ARID1B: variants seen among roughly 807,000 people sequenced by gnomAD.
ARID1B encodes AT-rich interactive domain-containing protein 1B.
ARID1B carries 30 observed loss-of-function variants against 212.3 expected under a neutral mutation model. That is an observed-to-expected ratio of 0.14 (90% CI 0.11 to 0.19). The LOEUF is 0.19. ARID1B is among the 10% of genes least tolerant of loss of function. The pLI is 1.00. For missense variants in ARID1B, 2,891 were observed against 3,204.0 expected (o/e 0.90, Z 2.36); for synonymous variants, 1,402 against 1,301.7 (o/e 1.08, Z -1.66).
intron 4 of ARID1B, among the ~76,000 whole-genome samples, chr6:157,039,719 CTTT>C (rs1183597937): frequency 7.5e-4 from 63 of 83,492 alleles, no homozygotes; most frequent in Non-Finnish European, 1.2e-3. Context: ...TCTTTCCTTC[CTTT>C]CTTTCTTTCC....
intron 2 of ARID1B, among the ~76,000 whole-genome samples, chr6:156,849,701 T>C (rs1273936044): frequency 6.6e-6 from 1 of 152,078 alleles, no homozygotes; most frequent in African/African-American, 2.4e-5. Flanking sequence ...AGACAAATAT[T>C]TGGGTGCTTT....
At chr6:157,011,555 G>A (rs1447687022) in intron 4 of ARID1B, among the ~76,000 whole-genome samples, 1 of 152,154 alleles carries the variant, frequency 6.6e-6, no homozygotes, top group Non-Finnish European at 1.5e-5. Context: ...AAAGTCTTGA[G>A]GAAAGAATTC....
At chr6:156,813,039 T>TACAC (rs1562404422) in intron 1 of ARID1B, among the ~76,000 whole-genome samples, 10 of 148,678 alleles carry the variant, frequency 6.7e-5, no homozygotes, top group African/African-American at 9.8e-5. Flanking sequence ...TACATATATA[T>TACAC]ATACACATAC....
intron 1 of ARID1B, among the ~76,000 whole-genome samples, chr6:156,802,409 C>T (rs958564206): frequency 3.3e-5 from 5 of 151,996 alleles, no homozygotes; most frequent in Admixed American, 3.3e-4. Context: ...AATATTTTAC[C>T]CTTCTTTTTA....
At chr6:157,199,304 A>T (rs1373906262) in intron 17 of ARID1B, among the ~76,000 whole-genome samples, 1 of 152,166 alleles carries the variant, frequency 6.6e-6, no homozygotes, top group African/African-American at 2.4e-5. Flanking sequence ...AAAATATTGT[A>T]TACTAATAGT....
rs116434232 is a variant in ARID1B, at chr6:156,788,437, T to G, written c.1791+8966T>G. Reference sequence around the variant, plus strand: ...CCCATTCAATATCCCATCCCTAATATTAATTAGTGGTCTCTTCTCTGGCCA... The same window carrying G: ...CCCATTCAATATCCCATCCCTAATAGTAATTAGTGGTCTCTTCTCTGGCCA... On this transcript the variant is annotated intron_variant, in intron 1 of 19. Transcript: ENST00000636930. Among the ~76,000 whole-genome samples, 374 of 152,296 alleles carry G rather than the reference T, an allele frequency of 2.5e-3. 2 individuals are homozygous for G. The highest frequency in any genetic ancestry group is 8.1e-3 in the African/African-American group (338 of 41,568).
At chr6:156,912,457 G>A (rs1789973680) in intron 3 of ARID1B, among the ~76,000 whole-genome samples, 2 of 152,030 alleles carry the variant, frequency 1.3e-5, no homozygotes, top group Admixed American at 1.3e-4. Context: ...CCAGGTGAGT[G>A]GGATGGGGAA....
At chr6:157,129,328 G>A (rs1222631575) in intron 6 of ARID1B, among the ~76,000 whole-genome samples, 3 of 152,124 alleles carry the variant, frequency 2.0e-5, no homozygotes, top group East Asian at 1.9e-4. Context: ...AGCTCATGAC[G>A]CAAACAAGAC....
chr6:156,990,172 ACT>A (rs1491393745), intron 4 of ARID1B, among the ~76,000 whole-genome samples: 6 of 123,308 alleles, frequency 4.9e-5, no homozygotes, highest in African/African-American at 6.7e-5. Flanking sequence ...GATTTCCTTA[ACT>A]TTTTTTTTTT....
rs1778735188 is a variant in ARID1B, at chr6:156,777,853, T to A, written c.173T>A (p.Leu58Gln). 4 of 1,321,554 alleles carry A rather than the reference T, an allele frequency of 3.0e-6. No homozygotes were observed. Among genetic ancestry groups the A allele is most frequent in the Non-Finnish European group, 3.8e-6 (4 of 1,041,134 alleles). 81.9% of individuals were successfully genotyped at this position (1,321,554 alleles called of 1,614,324 possible). ...GCGGCGGCGGCACCGGGACCCATGC[T>A]GGGGGGCGGCGGCGACGGCGGCGGC... ...AAAAAAPGPMLGGGGDGGGGL... is the reference protein window; with the variant it reads ...AAAAAAPGPMQGGGGDGGGGL... Residue 58 changes from leucine (L) to glutamine (Q), a missense_variant, in exon 1 of 20, where the codon CTG becomes CAG. Around this residue, in one of 7 missense-constraint regions of ARID1B, gnomAD observed 1,643 missense variants for 1,544.0 expected, o/e 1.06. Transcript: ENST00000636930.
intron 9 of ARID1B, chr6:157,172,988 C>T (rs1055705925): frequency 6.6e-6 from 1 of 152,176 alleles, no homozygotes; most frequent in African/African-American, 2.4e-5. Context: ...CCGTCTCTCT[C>T]CTTCCCTCTC....
chr6:157,126,094 T>G (rs1788119148), intron 6 of ARID1B, among the ~76,000 whole-genome samples: 2 of 152,132 alleles, frequency 1.3e-5, no homozygotes, highest in Admixed American at 1.3e-4. Context: ...GTGGATTGAG[T>G]TACCAGTTTG....
At chr6:157,078,600 T>G (rs1018956049) in intron 4 of ARID1B, among the ~76,000 whole-genome samples, 3 of 152,240 alleles carry the variant, frequency 2.0e-5, no homozygotes, top group African/African-American at 4.8e-5. Flanking sequence ...TTATGATGCA[T>G]ATTTCATACT....
rs1252761521 is a variant in ARID1B, at chr6:157,201,378, C to T, written c.5153C>T (p.Pro1718Leu). Reference sequence around the variant, plus strand: ...GTCCCCACATCCCAGGTCACCGGGCCACCACCCCAACCACCCCCAATCAGA... The same window carrying T: ...GTCCCCACATCCCAGGTCACCGGGCTACCACCCCAACCACCCCCAATCAGA... Reference protein sequence around the residue: ...PTVPTSQVTGPPPQPPPIRRE... With the variant: ...PTVPTSQVTGLPPQPPPIRRE... The change falls in exon 18 of 20, where the codon CCA becomes CTA. Residue 1718 changes from proline (P) to leucine (L), a missense_variant. Physicochemically the swap from Pro to Leu is moderately conservative, Grantham distance 98. Coordinates refer to ENST00000636930, the MANE Select transcript of ARID1B (RefSeq NM_001374828.1). The surrounding 1 kb of genome is among the most constrained non-coding windows in gnomAD (Gnocchi z 5.2). 6.2e-7 allele frequency: 1 copy of T among 1,607,560 alleles called. No homozygotes were observed. The highest frequency in any genetic ancestry group is 8.5e-7 in the Non-Finnish European group (1 of 1,175,382).
intron 9 of ARID1B, chr6:157,168,932 A>G (rs1791516845): frequency 6.6e-6 from 1 of 152,204 alleles, no homozygotes; most frequent in Non-Finnish European, 1.5e-5. Flanking sequence ...ATCTGATTTT[A>G]TCCCACCTTG....
chr6:156,907,779 A>T (rs1380518872), intron 3 of ARID1B, among the ~76,000 whole-genome samples: 1 of 151,152 alleles, frequency 6.6e-6, no homozygotes, highest in East Asian at 1.9e-4. Context: ...ATGTTGGCAC[A>T]CATCTGTTAT....
At chr6:156,960,368 A>G (rs1794290889) in intron 4 of ARID1B, among the ~76,000 whole-genome samples, 1 of 152,202 alleles carries the variant, frequency 6.6e-6, no homozygotes, top group South Asian at 2.1e-4. Context: ...ATTTCTCTGG[A>G]CATTGATATA....
intron 4 of ARID1B, chr6:157,072,533 G>A (rs1039740792): frequency 2.6e-5 from 4 of 152,016 alleles, no homozygotes; most frequent in East Asian, 3.9e-4. Flanking sequence ...CTTGATTTTC[G>A]TTCAATCTTT....
intron 2 of ARID1B, among the ~76,000 whole-genome samples, chr6:156,858,701 G>A (rs1583171289): frequency 6.6e-6 from 1 of 152,244 alleles, no homozygotes; most frequent in East Asian, 1.9e-4. Flanking sequence ...CCCAGAAGGT[G>A]GTGGCTGGAG....
Sources: allele counts gnomAD v4.1 joint callset (sites outside exome capture counted in the v4.1 genomes callset), GRCh38; gene constraint gnomAD v4.1.1; regional missense constraint gnomAD v4.1.1; non-coding constraint Gnocchi (gnomAD v3.1); transcripts MANE v1.5; gene names NCBI Gene and HGNC (gene_info 2026-07-23, HGNC 2026-07-21).